The following CDH7 variants were observed in gnomAD, a reference collection of about 807,000 sequenced individuals.
CDH7 encodes the protein cadherin-7.
Under a neutral mutation model 71.8 loss-of-function variants are expected in CDH7, and 25 were observed. That is an observed-to-expected ratio of 0.35 (90% CI 0.25 to 0.49). The LOEUF (loss-of-function observed/expected upper bound fraction) is 0.49, where lower values mean the gene tolerates loss of function less well. Among genes scored for constraint, CDH7 ranks in the 20% least tolerant of loss-of-function variants. The probability of loss-of-function intolerance (pLI) is 0.99; values close to 1 mark genes in which losing one functional copy is unlikely to be tolerated. For synonymous variants in CDH7, 381 were observed against 363.8 expected (o/e 1.05, Z -0.54); for missense variants, 862 against 974.6 (o/e 0.88, Z 1.54).
At chr18:65,850,187 TAA>T (rs869263778) in intron 7 of CDH7, among the ~76,000 whole-genome samples, 3 of 147,008 alleles carry the variant, frequency 2.0e-5, no homozygotes, top group African/African-American at 4.9e-5. Flanking sequence ...TATATATATA[TAA>T]AATTAAATAC....
At chr18:65,843,209 C>T (rs545938351) in intron 6 of CDH7, among the ~76,000 whole-genome samples, 1 of 152,090 alleles carries the variant, frequency 6.6e-6, no homozygotes, top group African/African-American at 2.4e-5. Flanking sequence ...AACTGTTAAC[C>T]TCCTAAAATA....
chr18:65,851,561 A>C (rs1913151612), intron 7 of CDH7, among the ~76,000 whole-genome samples: 1 of 152,212 alleles, frequency 6.6e-6, no homozygotes, highest in Non-Finnish European at 1.5e-5. Flanking sequence ...TGCAGTGATA[A>C]TCACCGGTAT....
intron 3 of CDH7, among the ~76,000 whole-genome samples, 181 bp downstream of exon 3, chr18:65,810,179 CTT>C (rs1459683127): frequency 4.0e-5 from 6 of 151,582 alleles, no homozygotes; most frequent in Non-Finnish European, 7.4e-5. Context: ...ATTAACTTAA[CTT>C]ATTAATTTAT....
chr18:65,819,686 A>G (rs1431780250), intron 4 of CDH7, among the ~76,000 whole-genome samples: 2 of 152,104 alleles, frequency 1.3e-5, no homozygotes, highest in Non-Finnish European at 2.9e-5. Flanking sequence ...GTGAGAAGGT[A>G]CTTCCTCAGT....
rs1203901252 is a variant in CDH7 at position 65,887,420 on chromosome 18, C to A, written c.*6526C>A. The A allele has an allele frequency of 6.9e-6, 1 of 145,074 alleles. No individual in the cohort carries two copies. Among genetic ancestry groups the A allele is most frequent in the East Asian group, 2.2e-4 (1 of 4,520 alleles). 9.0% of individuals were successfully genotyped at this position (145,074 alleles called of 1,614,324 possible). On this transcript the variant is annotated 3_prime_UTR_variant, in exon 12 of 12. Coordinates refer to ENST00000397968, the MANE Select transcript of CDH7 (RefSeq NM_004361.5). ...TCCTAATTCTATCCCTCCCCCCTCC[C>A]CCTACCCCACAACAGTCCCTAGAGT...
intron 2 of CDH7, among the ~76,000 whole-genome samples, chr18:65,805,167 CTA>C (rs1456635634): frequency 6.6e-6 from 1 of 152,064 alleles, no homozygotes; most frequent in African/African-American, 2.4e-5. Context: ...ATAAAAATAA[CTA>C]GATTTTCAAT....
chr18:65,756,755 A>G (rs1359552883), intron 1 of CDH7, among the ~76,000 whole-genome samples: 1 of 152,242 alleles, frequency 6.6e-6, no homozygotes, highest in African/African-American at 2.4e-5. Flanking sequence ...CACAAAACCA[A>G]AAATAGTCCT....
At chr18:65,771,402 G>C (rs1176177238) in intron 2 of CDH7, among the ~76,000 whole-genome samples, 1 of 152,038 alleles carries the variant, frequency 6.6e-6, no homozygotes, top group Non-Finnish European at 1.5e-5. Context: ...CATTTTGAGA[G>C]GCTGAGATGT....
intron 2 of CDH7, among the ~76,000 whole-genome samples, chr18:65,773,579 C>A (rs968446656): frequency 1.1e-4 from 17 of 152,066 alleles, no homozygotes; most frequent in Middle Eastern, 3.2e-3. Flanking sequence ...GATGCGACTT[C>A]AAGCAAACAG....
At chr18:65,758,321 G>T (rs1438986409) in intron 1 of CDH7, among the ~76,000 whole-genome samples, 5 of 152,140 alleles carry the variant, frequency 3.3e-5, no homozygotes, top group Admixed American at 3.3e-4. Flanking sequence ...CCTTTCTCTT[G>T]AAAATGAGAT....
chr18:65,819,602 G>C (rs1052401451), intron 4 of CDH7, among the ~76,000 whole-genome samples: 2 of 152,084 alleles, frequency 1.3e-5, no homozygotes, highest in Non-Finnish European at 1.5e-5. Context: ...GACAAAAAAG[G>C]CTGTAATGGA....
chr18:65,888,291 C>T lies in CDH7; in HGVS notation c.*7397C>T, dbSNP rs916400319. 11 of 152,094 alleles carry T rather than the reference C, an allele frequency of 7.2e-5. No homozygotes were observed. The highest frequency in any genetic ancestry group is 7.3e-5 in the Non-Finnish European group (5 of 68,030). The allele number at this position is 152,094 out of a possible 1,614,324, so 9.4% of individuals were successfully genotyped here. On this transcript the variant is annotated 3_prime_UTR_variant, in exon 12 of 12. Transcript: ENST00000397968. ...GAAGACAAGCCGTGAGAATGTGAGACCTCAGTATATTGCTGTGTTTTATTG... is the reference window on the plus strand; with the variant it reads ...GAAGACAAGCCGTGAGAATGTGAGATCTCAGTATATTGCTGTGTTTTATTG...
intron 6 of CDH7, among the ~76,000 whole-genome samples, chr18:65,834,275 T>C (rs141174988): frequency 6.6e-6 from 1 of 152,304 alleles, no homozygotes; most frequent in African/African-American, 2.4e-5. Flanking sequence ...TGATGTTTGG[T>C]GCACTGTAAT....
chr18:65,822,465 C>T (rs1403491294), intron 5 of CDH7, among the ~76,000 whole-genome samples: 1 of 152,024 alleles, frequency 6.6e-6, no homozygotes, highest in Non-Finnish European at 1.5e-5. Flanking sequence ...ATTTGCATTA[C>T]TTCTATCTTA....
chr18:65,763,340 T>C (rs1304889663), intron 2 of CDH7, among the ~76,000 whole-genome samples: 1 of 152,100 alleles, frequency 6.6e-6, no homozygotes, highest in African/African-American at 2.4e-5. Flanking sequence ...TGTAACACAT[T>C]GATAAACTGT....
chr18:65,810,580 CA>C (rs1911498156), intron 3 of CDH7, among the ~76,000 whole-genome samples: 1 of 152,120 alleles, frequency 6.6e-6, no homozygotes, highest in Non-Finnish European at 1.5e-5. Flanking sequence ...ATCAGGGATA[CA>C]TGTGCAGGAT....
rs765864375 is a variant in CDH7 at position 65,880,737 on chromosome 18, C to A, written c.2201C>A (p.Ala734Asp). 1 of 1,614,048 alleles carries A rather than the reference C, an allele frequency of 6.2e-7. No homozygotes were observed. ...CCTTATGACTCCCTGCAGACATATG[C>A]TTTTGAAGGAAATGGCTCAGTTGCT... The part of the protein sequence containing the change: ...APPYDSLQTY[A>D]FEGNGSVAES... Residue 734 changes from alanine (A) to aspartate (D), a missense_variant, in exon 12 of 12, where the codon GCT (alanine) becomes GAT (aspartate). Transcript: ENST00000397968.
At chr18:65,759,369 C>G (rs1916122974) in intron 1 of CDH7, among the ~76,000 whole-genome samples, 1 of 151,768 alleles carries the variant, frequency 6.6e-6, no homozygotes, top group Non-Finnish European at 1.5e-5. Flanking sequence ...CTCAGCCCCC[C>G]AAGTAGCTGG....
rs1555680099 is a variant in CDH7 at position 65,757,793 on chromosome 18, T to TA, written c.-196-4854_-196-4853insA. 5.8e-3 allele frequency among the ~76,000 whole-genome samples: 628 copies of TA among 108,786 alleles called. 3 individuals are homozygous for TA. The highest frequency in any genetic ancestry group is 0.019 in the African/African-American group (476 of 25,442). The allele number at this position is 108,786 out of a possible 152,430, so 71.4% of individuals were successfully genotyped here. A position where few individuals can be genotyped will look rare whatever the true frequency, so the allele number is the denominator to read the frequency against. ...ACTGTATATCCATATATATATATATTTTTTTTTTCTGCACTTTTTAAAGAA... is the reference window on the plus strand; with the variant it reads ...ACTGTATATCCATATATATATATATTATTTTTTTTCTGCACTTTTTAAAGAA... On this transcript the variant is annotated intron_variant, in intron 1 of 11. Coordinates refer to ENST00000397968, the MANE Select transcript of CDH7 (RefSeq NM_004361.5).
Sources: gnomAD v4.1 joint callset for allele counts (sites outside exome capture counted in the v4.1 genomes callset) on GRCh38, gnomAD v4.1.1 for gene constraint, MANE v1.5 for transcripts, NCBI Gene and HGNC (gene_info 2026-07-23, HGNC 2026-07-21) for gene names.